Variants in CHLSN observed in about 807,000 individuals in gnomAD.
CHLSN encodes the protein cholesin.
chr7:1,123,520 G>C, the CHLSN span, among the ~76,000 whole-genome samples: 3 of 152,080 alleles, frequency 2.0e-5, no homozygotes, highest in Non-Finnish European at 1.5e-5. This position sits in a 1 kb window ranked among gnomAD's most constrained non-coding sequence, Gnocchi z 4.4. Flanking sequence ...CTCCCCCGGA[G>C]CCCAGGAATG....
the CHLSN span, among the ~76,000 whole-genome samples, chr7:1,078,677 G>A: frequency 6.6e-6 from 1 of 152,236 alleles, no homozygotes; most frequent in South Asian, 2.1e-4. Flanking sequence ...AGGATCACAG[G>A]CTGGCCCAGT....
the CHLSN span, chr7:1,010,201 G>A: frequency 1.1e-5 from 17 of 1,482,652 alleles, no homozygotes; most frequent in African/African-American, 2.8e-5. Flanking sequence ...AGACGGGTGC[G>A]CTGCCTGGGG....
the CHLSN span, among the ~76,000 whole-genome samples, chr7:1,119,737 C>A: frequency 2.6e-5 from 4 of 152,116 alleles, no homozygotes; most frequent in Non-Finnish European, 5.9e-5. Context: ...ATTAGCTGGG[C>A]GTGGTGGCAC....
At chr7:1,026,937 A>C in the CHLSN span, 2 of 152,206 alleles carry the variant, frequency 1.3e-5, no homozygotes, top group Admixed American at 1.3e-4. Context: ...TAAACTGAAA[A>C]CAGCAAAACT....
At chr7:1,096,348 C>T in the CHLSN span, among the ~76,000 whole-genome samples, 15 of 152,304 alleles carry the variant, frequency 9.8e-5, no homozygotes, top group Admixed American at 5.9e-4. This position sits in a 1 kb window ranked among gnomAD's most constrained non-coding sequence, Gnocchi z 4.6. Flanking sequence ...GCCAAGCCAC[C>T]GGGCTGCGGT....
the CHLSN span, among the ~76,000 whole-genome samples, chr7:1,081,213 G>A: frequency 6.6e-6 from 1 of 152,244 alleles, no homozygotes; most frequent in Non-Finnish European, 1.5e-5. Context: ...AGACGGGCTT[G>A]GTGCCTAGGC....
chr7:1,070,484 C>A, the CHLSN span, among the ~76,000 whole-genome samples: 3 of 151,768 alleles, frequency 2.0e-5, no homozygotes, highest in African/African-American at 7.3e-5. Context: ...CATACGCACA[C>A]GGGCACACGA....
the CHLSN span, chr7:1,086,956 G>A: frequency 3.2e-4 from 49 of 152,410 alleles, no homozygotes; most frequent in Admixed American, 2.6e-3. Flanking sequence ...CTGGAGAGCC[G>A]GGGCTGGCGG....
At chr7:1,063,647 C>T in the CHLSN span, among the ~76,000 whole-genome samples, 1 of 152,240 alleles carries the variant, frequency 6.6e-6, no homozygotes. Context: ...TGTGGTCTCA[C>T]GTCCTCACCT....
At chr7:991,307 C>T in the CHLSN span, among the ~76,000 whole-genome samples, 2 of 152,212 alleles carry the variant, frequency 1.3e-5, no homozygotes, top group South Asian at 2.1e-4. Flanking sequence ...CCCCATCTCA[C>T]CCAGCGAGAT....
chr7:1,040,193 A>C, the CHLSN span, among the ~76,000 whole-genome samples: 4 of 119,724 alleles, frequency 3.3e-5, no homozygotes, highest in Admixed American at 3.3e-4. Context: ...TAAAAAAAAA[A>C]AAAAAAAAAA....
At chr7:1,047,910 A>G in the CHLSN span, among the ~76,000 whole-genome samples, 1 of 152,208 alleles carries the variant, frequency 6.6e-6, no homozygotes, top group African/African-American at 2.4e-5. Context: ...ACGTCACTGA[A>G]TACATCCCCT....
the CHLSN span, chr7:1,028,356 C>T: frequency 1.9e-5 from 19 of 999,924 alleles, no homozygotes; most frequent in Non-Finnish European, 2.3e-5. Flanking sequence ...GCAGCCTCAG[C>T]GCCTCCACAC....
the CHLSN span, among the ~76,000 whole-genome samples, chr7:1,101,137 G>A: frequency 3.2e-4 from 48 of 152,376 alleles, no homozygotes; most frequent in South Asian, 5.2e-3. Flanking sequence ...GTGTACGTGC[G>A]CACACTCCCG....
the CHLSN span, among the ~76,000 whole-genome samples, chr7:991,429 C>A: frequency 6.9e-6 from 1 of 145,852 alleles, no homozygotes; most frequent in Non-Finnish European, 1.5e-5. Context: ...AAGCAGGTAT[C>A]AAATCTCCTT....
chr7:1,000,351 C>A, the CHLSN span: 1 of 868,058 alleles, frequency 1.2e-6, no homozygotes, highest in East Asian at 3.0e-5. Flanking sequence ...CACACCTCAG[C>A]CCCCGGGAGA....
the CHLSN span, among the ~76,000 whole-genome samples, chr7:1,070,118 C>A: frequency 2.3e-5 from 2 of 87,484 alleles, no homozygotes; most frequent in Non-Finnish European, 4.7e-5. Context: ...CTGGCAACCA[C>A]CCCGTCTGAG....
chr7:1,047,771 A>G, the CHLSN span, among the ~76,000 whole-genome samples: 1 of 152,212 alleles, frequency 6.6e-6, no homozygotes, highest in African/African-American at 2.4e-5. Context: ...CTAAGGCTCT[A>G]AAGCTTCAAC....
At chr7:1,033,375 C>T in the CHLSN span, among the ~76,000 whole-genome samples, 6 of 152,046 alleles carry the variant, frequency 3.9e-5, no homozygotes, top group Admixed American at 2.0e-4. Flanking sequence ...CTGACCAACA[C>T]GGAGAAACCC....
Sources: allele counts gnomAD v4.1 joint callset (sites outside exome capture counted in the v4.1 genomes callset), GRCh38; gene constraint gnomAD v4.1.1; non-coding constraint Gnocchi (gnomAD v3.1); transcripts MANE v1.5; gene names NCBI Gene and HGNC (gene_info 2026-07-23, HGNC 2026-07-21).